Variants in NRG3 observed in about 807,000 individuals in gnomAD.
The protein encoded by NRG3 is pro-neuregulin-3, membrane-bound isoform.
A neutral mutation model predicts 66.9 loss-of-function variants in NRG3; 31 were observed. That is an observed-to-expected ratio of 0.46 (90% CI 0.35 to 0.63). The LOEUF (loss-of-function observed/expected upper bound fraction) is 0.63, where lower values mean the gene tolerates loss of function less well. Ranked by LOEUF, NRG3 falls within the 20% of genes least tolerant of loss-of-function variation. The pLI is 0.00. For missense variants in NRG3, 910 were observed against 878.9 expected (o/e 1.04, Z -0.45); for synonymous variants, 393 against 359.4 (o/e 1.09, Z -1.06).
intron 2 of NRG3, among the ~76,000 whole-genome samples, chr10:82,505,457 C>T (rs1186486974): frequency 6.6e-6 from 1 of 152,104 alleles, no homozygotes; most frequent in African/African-American, 2.4e-5. Flanking sequence ...GACTGTGAGC[C>T]CTGAAGAGAT....
intron 1 of NRG3, among the ~76,000 whole-genome samples, chr10:82,034,929 T>G (rs2062732741): frequency 6.6e-6 from 1 of 152,080 alleles, no homozygotes; most frequent in South Asian, 2.1e-4. Flanking sequence ...ATACTTCTTT[T>G]CTCAGAGGTG....
At chr10:82,941,932 T>C (rs1848607845) in intron 4 of NRG3, among the ~76,000 whole-genome samples, 1 of 152,162 alleles carries the variant, frequency 6.6e-6, no homozygotes, top group African/African-American at 2.4e-5. Flanking sequence ...AGGATCTGAT[T>C]TGCATATCTT....
chr10:81,936,677 G>A (rs1263961269), intron 1 of NRG3, among the ~76,000 whole-genome samples: 1 of 152,020 alleles, frequency 6.6e-6, no homozygotes, highest in Non-Finnish European at 1.5e-5. Flanking sequence ...GGTTGGGGCC[G>A]AAGCTCTTTC....
intron 1 of NRG3, among the ~76,000 whole-genome samples, chr10:82,242,714 G>T (rs548104504): frequency 9.8e-4 from 149 of 152,180 alleles, no homozygotes; most frequent in Admixed American, 2.9e-3. Flanking sequence ...GAGGGTGGGG[G>T]TGTGAGAGAG....
chr10:82,118,625 G>A (rs1169720639), intron 1 of NRG3, among the ~76,000 whole-genome samples: 1 of 152,080 alleles, frequency 6.6e-6, no homozygotes, highest in Non-Finnish European at 1.5e-5. Context: ...GAGACTGCAT[G>A]ACCTTGTTTT....
chr10:82,241,430 G>C (rs2133997097), intron 1 of NRG3, among the ~76,000 whole-genome samples: 1 of 149,104 alleles, frequency 6.7e-6, no homozygotes, highest in Middle Eastern at 3.5e-3. Flanking sequence ...GCCCTCAGCT[G>C]TTTATTTTTT....
chr10:82,131,643 A>C (rs777220600), intron 1 of NRG3, among the ~76,000 whole-genome samples: 18 of 152,102 alleles, frequency 1.2e-4, no homozygotes, highest in Middle Eastern at 3.2e-3. Context: ...TGGCATTTTA[A>C]CAATACTGAT....
intron 2 of NRG3, among the ~76,000 whole-genome samples, chr10:82,392,892 A>T (rs1168034390): frequency 3.0e-4 from 37 of 122,178 alleles, no homozygotes; most frequent in African/African-American, 1.0e-3. Context: ...ATATATATAT[A>T]TATATATTTT....
intron 3 of NRG3, among the ~76,000 whole-genome samples, chr10:82,766,782 C>T (rs112327653): frequency 0.05 from 7,608 of 151,804 alleles, 607 homozygotes; most frequent in African/African-American, 0.17. Flanking sequence ...TGATATCTGA[C>T]TCCTTACTTA....
At chr10:82,668,722 T>G (rs2134017166) in intron 2 of NRG3, among the ~76,000 whole-genome samples, 1 of 152,272 alleles carries the variant, frequency 6.6e-6, no homozygotes, top group African/African-American at 2.4e-5. Context: ...GAATAATTCA[T>G]TCAGGAAACA....
intron 1 of NRG3, among the ~76,000 whole-genome samples, chr10:82,272,512 C>A (rs1414809232): frequency 6.6e-6 from 1 of 151,950 alleles, no homozygotes; most frequent in Non-Finnish European, 1.5e-5. Flanking sequence ...GTAGATCTAA[C>A]CTTATAAAGA....
At chr10:81,886,398 A>G (rs1340432864) in intron 1 of NRG3, among the ~76,000 whole-genome samples, 1 of 152,176 alleles carries the variant, frequency 6.6e-6, no homozygotes, top group Non-Finnish European at 1.5e-5. Context: ...AACGAAGTTC[A>G]TTACATTGGA....
intron 1 of NRG3, among the ~76,000 whole-genome samples, chr10:82,216,460 A>ATATATATATGTG (rs1554851844): frequency 1.4e-5 from 2 of 146,330 alleles, no homozygotes; most frequent in African/African-American, 2.5e-5. Context: ...TTTTATATAT[A>ATATATATATGTG]TGTGTGTGTG....
chr10:82,123,969 C>G (rs1009096319), intron 1 of NRG3, among the ~76,000 whole-genome samples: 3 of 151,880 alleles, frequency 2.0e-5, no homozygotes, highest in African/African-American at 4.8e-5. Flanking sequence ...ATTCTCACCC[C>G]CTTCAATGAG....
chr10:82,534,320 G>A (rs1047742967), intron 2 of NRG3, among the ~76,000 whole-genome samples: 5 of 151,444 alleles, frequency 3.3e-5, no homozygotes, highest in African/African-American at 7.3e-5. Flanking sequence ...GGAGGGCAGT[G>A]ATGCACAATC....
At chr10:82,000,308 A>T (rs560135367) in intron 1 of NRG3, among the ~76,000 whole-genome samples, 1 of 152,296 alleles carries the variant, frequency 6.6e-6, no homozygotes, top group East Asian at 1.9e-4. Flanking sequence ...ACAGAAAACA[A>T]TTATGGTATT....
chr10:82,195,567 T>C (rs946074888), intron 1 of NRG3, among the ~76,000 whole-genome samples: 2 of 152,150 alleles, frequency 1.3e-5, no homozygotes, highest in Non-Finnish European at 2.9e-5. Flanking sequence ...GGAAAAGGTT[T>C]CAGTTATTTG....
At chr10:82,480,070 C>A (rs1842135571) in intron 2 of NRG3, among the ~76,000 whole-genome samples, 1 of 152,316 alleles carries the variant, frequency 6.6e-6, no homozygotes, top group Admixed American at 6.5e-5. Flanking sequence ...TGAGGTTCAT[C>A]TGCTATGATA....
intron 1 of NRG3, among the ~76,000 whole-genome samples, chr10:82,284,354 T>G (rs1279316505): frequency 6.6e-6 from 1 of 152,188 alleles, no homozygotes; most frequent in Non-Finnish European, 1.5e-5. Flanking sequence ...TTCATAGCAG[T>G]TATGGGTCTA....
Sources: allele counts gnomAD v4.1 joint callset (sites outside exome capture counted in the v4.1 genomes callset), GRCh38; gene constraint gnomAD v4.1.1; transcripts MANE v1.5; gene names NCBI Gene and HGNC (gene_info 2026-07-23, HGNC 2026-07-21).